NTNG2: variants seen among roughly 807,000 people sequenced by gnomAD.
NTNG2 encodes netrin-G2.
In NTNG2, 15 loss-of-function variants were observed where a neutral mutation model predicts 47.6. That is an observed-to-expected ratio of 0.32 (90% confidence interval 0.21 to 0.49). NTNG2 has a LOEUF of 0.49. Among genes scored for constraint, NTNG2 ranks in the 20% least tolerant of loss-of-function variants. The probability of loss-of-function intolerance (pLI) is 0.99; values close to 1 mark genes in which losing one functional copy is unlikely to be tolerated. For synonymous variants in NTNG2, 307 were observed against 324.6 expected (o/e 0.95, Z 0.58); for missense variants, 578 against 764.6 (o/e 0.76, Z 2.88).
At chr9:132,181,118 C>T (rs559661704) in intron 2 of NTNG2, among the ~76,000 whole-genome samples, 2 of 152,256 alleles carry the variant, frequency 1.3e-5, no homozygotes, top group African/African-American at 4.8e-5. Flanking sequence ...GGGTCTCACT[C>T]TGTCACCCAG....
intron 3 of NTNG2, among the ~76,000 whole-genome samples, chr9:132,199,722 G>T (rs1188190841): frequency 6.6e-6 from 1 of 152,158 alleles, no homozygotes; most frequent in African/African-American, 2.4e-5. Context: ...TCCTAGACAG[G>T]ACAGTCCAAC....
chr9:132,203,563 A>G (rs1401586801), intron 3 of NTNG2, among the ~76,000 whole-genome samples: 2 of 152,150 alleles, frequency 1.3e-5, no homozygotes, highest in Non-Finnish European at 2.9e-5. Flanking sequence ...CTTGCTTTCA[A>G]AAATATTGGC....
chr9:132,204,480 A>G (rs1420934413), intron 3 of NTNG2, among the ~76,000 whole-genome samples: 1 of 152,086 alleles, frequency 6.6e-6, no homozygotes, highest in Non-Finnish European at 1.5e-5. Flanking sequence ...GAGTGCAGAG[A>G]CAGGCGATTT....
chr9:132,221,537 G>T lies in NTNG2; in HGVS notation c.858-5312G>T, dbSNP rs150629706. Among the ~76,000 whole-genome samples the T allele has an allele frequency of 2.6e-3, 399 of 152,318 alleles. 4 individuals are homozygous for T. The highest frequency in any genetic ancestry group is 9.3e-3 in the African/African-American group (385 of 41,570). The stretch of plus-strand genomic sequence containing the variant: ...GCCAGCCTTTCCCCACACAGTGCCA[G>T]CTCCTCCCTGCAGCCCTGCTAGACA... On this transcript the variant is annotated intron_variant, in intron 3 of 7. Coordinates refer to ENST00000393229, the MANE Select transcript of NTNG2 (RefSeq NM_032536.4). This position sits in a 1 kb window ranked among gnomAD's most constrained non-coding sequence, Gnocchi z 4.2.
chr9:132,213,108 A>G (rs6597558), intron 3 of NTNG2, among the ~76,000 whole-genome samples: 92,903 of 151,982 alleles, frequency 0.61, 30,837 homozygotes, highest in African/African-American at 0.89. Context: ...TCGGGAGCTC[A>G]AGACCAGCCT....
At chr9:132,216,890 T>C (rs1173813913) in intron 3 of NTNG2, among the ~76,000 whole-genome samples, 2 of 152,192 alleles carry the variant, frequency 1.3e-5, no homozygotes, top group African/African-American at 4.8e-5. Flanking sequence ...TGGCTGCATT[T>C]CCTTGGCTGT....
rs1002421732 is a variant in NTNG2, at chr9:132,208,577, C to A, written c.857+9968C>A. On this transcript the variant is annotated intron_variant, in intron 3 of 7. Transcript: ENST00000393229. The surrounding 1 kb of genome is among the most constrained non-coding windows in gnomAD (Gnocchi z 4.0). ...GCCGCCTGGAGGTGGTCTTTGGTGG[C>A]AGTGTTGCTGAGTAGCTGATGGGAG... is the stretch of plus-strand genomic sequence containing the variant. 1.3e-5 allele frequency among the ~76,000 whole-genome samples: 2 copies of A among 151,860 alleles called. No individual in the cohort carries two copies. Among genetic ancestry groups the A allele is most frequent in the South Asian group, 2.1e-4 (1 of 4,816 alleles).
chr9:132,236,822 GA>G lies in NTNG2; in HGVS notation c.1055-2280del. On this transcript the variant is annotated intron_variant, in intron 5 of 7. Coordinates refer to ENST00000393229, the MANE Select transcript of NTNG2 (RefSeq NM_032536.4). The surrounding 1 kb of genome is among the most constrained non-coding windows in gnomAD (Gnocchi z 4.3). Reference sequence around the variant, plus strand: ...GGTCCCAGCGGGATTCTGGGCAGTGGAAGGCAGGTGCCGTCCGTGTTCCTGG... The same window carrying G: ...GGTCCCAGCGGGATTCTGGGCAGTGGAGGCAGGTGCCGTCCGTGTTCCTGG... 6.6e-6 allele frequency among the ~76,000 whole-genome samples: 1 copy of G among 152,236 alleles called. No individual in the cohort carries two copies. The highest frequency in any genetic ancestry group is 1.5e-5 in the Non-Finnish European group (1 of 68,046).
At position 132,180,464 on chromosome 9, in the gene NTNG2, C is replaced by G. The variant is rs1836847613; in HGVS notation, c.213+13420C>G. Among the ~76,000 whole-genome samples the G allele has an allele frequency of 6.6e-6, 1 of 152,238 alleles. No individual in the cohort carries two copies. The highest frequency in any genetic ancestry group is 2.4e-5 in the African/African-American group (1 of 41,458). ...ACCTTGTCTCTGCCCCTGTCCCCAC[C>G]CAGGCAACATCCAAAACCTTTGCCC... On this transcript the variant is annotated intron_variant, in intron 2 of 7. Coordinates refer to ENST00000393229, the MANE Select transcript of NTNG2 (RefSeq NM_032536.4). The surrounding 1 kb of genome is among the most constrained non-coding windows in gnomAD (Gnocchi z 4.2).
intron 3 of NTNG2, among the ~76,000 whole-genome samples, chr9:132,213,846 C>G (rs752029890): frequency 6.6e-6 from 1 of 152,170 alleles, no homozygotes; most frequent in Non-Finnish European, 1.5e-5. Context: ...TCAGTATACA[C>G]GACATGTAAT....
chr9:132,227,046 G>A (rs772481366), intron 4 of NTNG2, 25 bp downstream of exon 4: 4 of 1,568,486 alleles, frequency 2.6e-6, no homozygotes, highest in East Asian at 4.6e-5. Context: ...CCGGGGCCAC[G>A]AGCCCACATG....
intron 2 of NTNG2, among the ~76,000 whole-genome samples, chr9:132,168,563 G>T (rs189715350): frequency 1.3e-5 from 2 of 152,176 alleles, no homozygotes; most frequent in Non-Finnish European, 2.9e-5. Context: ...GAGAGGGAGG[G>T]AGAGAGGGAA....
rs540058164 is a variant in NTNG2 at position 132,174,017 on chromosome 9, C to T, written c.213+6973C>T. ...CGAACCATGCTACGGATGAGACGGA[C>T]GGATGGACGGACAGGCAGGCAGGCC... On this transcript the variant is annotated intron_variant, in intron 2 of 7. Coordinates refer to ENST00000393229, the MANE Select transcript of NTNG2 (RefSeq NM_032536.4). Among the ~76,000 whole-genome samples, 377 of 145,360 alleles carry T rather than the reference C, an allele frequency of 2.6e-3. 3 individuals carry two copies. Among genetic ancestry groups the T allele is most frequent in the African/African-American group, 9.4e-3 (361 of 38,508 alleles).
At chr9:132,175,367 C>T (rs1836346947) in intron 2 of NTNG2, among the ~76,000 whole-genome samples, 1 of 152,100 alleles carries the variant, frequency 6.6e-6, no homozygotes, top group Admixed American at 6.5e-5. Flanking sequence ...GGCAGGAGGG[C>T]AATTGAGGGG....
Position 132,242,077 on chromosome 9 carries a change from T to C in NTNG2, c.1559T>C (p.Leu520Pro), listed in dbSNP as rs1338765437. ...CCCGCCACCCTGCTCGGCTGCCTGC[T>C]GCTGCTGGGGCTGGCCGCCCGCCTG... ...PRPATLLGCL[L>P]LLGLAARLGR Residue 520 changes from leucine to proline, a missense_variant, in exon 8 of 8, where the codon CTG becomes CCG. Transcript: ENST00000393229. The surrounding 1 kb of genome is among the most constrained non-coding windows in gnomAD (Gnocchi z 5.9). 8 of 1,204,170 alleles carry C rather than the reference T, an allele frequency of 6.6e-6. No individual in the cohort carries two copies. The highest frequency in any genetic ancestry group is 8.2e-6 in the Non-Finnish European group (8 of 972,920). The allele number at this position is 1,204,170 out of a possible 1,614,324, so 74.6% of individuals were successfully genotyped here. A position where few individuals can be genotyped will look rare whatever the true frequency, so the allele number is the denominator to read the frequency against.
Position 132,193,233 on chromosome 9 carries a change from TCA to T in NTNG2, c.214-4731_214-4730del, listed in dbSNP as rs969497770. ...ACACTCAATAGGAGATATGTCAATA[TCA>T]CTGTCATTTTATTAATAGCTTATTA... On this transcript the variant is annotated intron_variant, in intron 2 of 7. Transcript: ENST00000393229. Among the ~76,000 whole-genome samples, 74 of 152,226 alleles carry T rather than the reference TCA, an allele frequency of 4.9e-4. 1 individual carries two copies. Among genetic ancestry groups the T allele is most frequent in the African/African-American group, 1.7e-3 (70 of 41,456 alleles).
chr9:132,223,581 G>A (rs531989911), intron 3 of NTNG2, among the ~76,000 whole-genome samples: 124 of 152,228 alleles, frequency 8.1e-4, no homozygotes, highest in Non-Finnish European at 1.6e-3. Flanking sequence ...CTGAATGGAC[G>A]AGAGCCAGTC....
chr9:132,235,915 G>A (rs1841592103), intron 5 of NTNG2, among the ~76,000 whole-genome samples: 1 of 152,174 alleles, frequency 6.6e-6, no homozygotes, highest in Admixed American at 6.5e-5. Flanking sequence ...ACAGTGGTGA[G>A]GGAGCGGCCT....
At position 132,236,216 on chromosome 9, in the gene NTNG2, G is replaced by A. The variant is rs532362193; in HGVS notation, c.1055-2888G>A. ...GGGAGAAGGCAGCACATTCCAGGCC[G>A]CAGGGCCAGCCGGGGCAAAGGCTTG... On this transcript the variant is annotated intron_variant, in intron 5 of 7. Transcript: ENST00000393229. This position sits in a 1 kb window ranked among gnomAD's most constrained non-coding sequence, Gnocchi z 4.3. Among the ~76,000 whole-genome samples the A allele has an allele frequency of 5.3e-5, 8 of 152,316 alleles. No individual in the cohort carries two copies. The highest frequency in any genetic ancestry group is 1.2e-4 in the African/African-American group (5 of 41,564).
Sources: gnomAD v4.1 joint callset for allele counts (sites outside exome capture counted in the v4.1 genomes callset) on GRCh38, gnomAD v4.1.1 for gene constraint, Gnocchi (gnomAD v3.1) non-coding constraint, MANE v1.5 for transcripts, NCBI Gene and HGNC (gene_info 2026-07-23, HGNC 2026-07-21) for gene names.